Variants in CCDC148 observed in about 807,000 individuals in gnomAD.
The protein encoded by CCDC148 is coiled-coil domain-containing protein 148.
CCDC148 carries 89 observed loss-of-function variants against 85.7 expected under a neutral mutation model. That is an observed-to-expected ratio of 1.04 (90% confidence interval 0.87 to 1.24). CCDC148 has a LOEUF of 1.24. Ranked by LOEUF, CCDC148 falls within the 50% of genes most tolerant of loss-of-function variation. CCDC148 has a pLI of 0.00. For missense variants in CCDC148, 692 were observed against 671.7 expected (o/e 1.03, Z -0.33); for synonymous variants, 230 against 213.9 (o/e 1.08, Z -0.66).
At chr2:158,333,519 G>A (rs1693258709) in intron 7 of CCDC148, among the ~76,000 whole-genome samples, 1 of 152,112 alleles carries the variant, frequency 6.6e-6, no homozygotes, top group Non-Finnish European at 1.5e-5. Context: ...GAGTTCTGTA[G>A]ATGTCTATTA....
At chr2:158,225,562 A>T (rs1687465308) in intron 10 of CCDC148, among the ~76,000 whole-genome samples, 1 of 152,142 alleles carries the variant, frequency 6.6e-6, no homozygotes, top group Non-Finnish European at 1.5e-5. Flanking sequence ...GAAGTAAAGC[A>T]CTCCTCAGCA....
chr2:158,180,782 C>A (rs542668020), intron 11 of CCDC148, among the ~76,000 whole-genome samples: 1 of 151,944 alleles, frequency 6.6e-6, no homozygotes, highest in Non-Finnish European at 1.5e-5. Context: ...AGGAGAGACA[C>A]AGGAGAGGAA....
At position 158,330,492 on chromosome 2, in the gene CCDC148, G is replaced by A. The variant is rs558349075; in HGVS notation, c.764+8234C>T. The stretch of plus-strand genomic sequence containing the variant: ...TTCTTTTTTTGTTGTGTCTCTGGCA[G>A]GCTTTGGTATCAGGATGATGCTGGC... On this transcript the variant is annotated intron_variant, in intron 7 of 13. Coordinates refer to ENST00000283233, the MANE Select transcript of CCDC148 (RefSeq NM_138803.4). Among the ~76,000 whole-genome samples the A allele has an allele frequency of 4.3e-4, 65 of 152,260 alleles. No individual in the cohort carries two copies. In the East Asian group the frequency reaches 9.5e-3, roughly 22 times the overall value.
chr2:158,328,958 G>A (rs1170515949), intron 7 of CCDC148, among the ~76,000 whole-genome samples: 4 of 151,990 alleles, frequency 2.6e-5, no homozygotes, highest in South Asian at 2.1e-4. Flanking sequence ...CTCCCATTCT[G>A]TAGGTTGCCT....
At position 158,245,116 on chromosome 2, in the gene CCDC148, C is replaced by A. The variant is rs965871054; in HGVS notation, c.1251+5656G>T. Among the ~76,000 whole-genome samples the A allele has an allele frequency of 9.9e-5, 15 of 152,150 alleles. 1 individual carries two copies. Among genetic ancestry groups the A allele is most frequent in the African/African-American group, 3.6e-4 (15 of 41,442 alleles). On this transcript the variant is annotated intron_variant, in intron 10 of 13. Transcript: ENST00000283233. The stretch of plus-strand genomic sequence containing the variant: ...GAGGTACTCTGAATTCTCTCCTGTG[C>A]AAGAGCTTCTGGAGTCTTCTGAAAT...
intron 9 of CCDC148, among the ~76,000 whole-genome samples, chr2:158,261,254 A>C (rs913519652): frequency 6.6e-6 from 1 of 152,052 alleles, no homozygotes; most frequent in African/African-American, 2.4e-5. Context: ...AGCCAACGAA[A>C]ACAAGTAATG....
At chr2:158,364,763 A>G (rs961133434) in intron 1 of CCDC148, among the ~76,000 whole-genome samples, 9 of 152,228 alleles carry the variant, frequency 5.9e-5, no homozygotes, top group Non-Finnish European at 1.2e-4. Context: ...CAAAGGCTTC[A>G]TGACTAAAGC....
At chr2:158,395,351 C>T (rs1253564547) in intron 1 of CCDC148, among the ~76,000 whole-genome samples, 2 of 152,132 alleles carry the variant, frequency 1.3e-5, no homozygotes, top group African/African-American at 4.8e-5. Context: ...CCACTTCCTC[C>T]TCCCTGCTGT....
chr2:158,341,778 A>G (rs534982365), intron 3 of CCDC148, among the ~76,000 whole-genome samples: 1 of 152,074 alleles, frequency 6.6e-6, no homozygotes, highest in East Asian at 1.9e-4. Context: ...TAATATAAAA[A>G]AGCAGCAATT....
At chr2:158,413,667 T>C (rs966523822) in intron 1 of CCDC148, among the ~76,000 whole-genome samples, 3 of 151,922 alleles carry the variant, frequency 2.0e-5, no homozygotes, top group African/African-American at 4.8e-5. Flanking sequence ...GAAGGACAGA[T>C]AGTAAATATT....
intron 9 of CCDC148, among the ~76,000 whole-genome samples, chr2:158,269,992 A>AT (rs879514040): frequency 1.3e-5 from 2 of 152,120 alleles, no homozygotes; most frequent in African/African-American, 2.4e-5. Flanking sequence ...ACAAGTATGC[A>AT]TTTTTTCCTT....
chr2:158,213,689 C>G (rs370657642), intron 11 of CCDC148, among the ~76,000 whole-genome samples: 2 of 152,122 alleles, frequency 1.3e-5, no homozygotes, highest in Non-Finnish European at 2.9e-5. Flanking sequence ...GAGATATGAC[C>G]GTTACATATC....
chr2:158,436,431 G>A (rs987888900), intron 1 of CCDC148, among the ~76,000 whole-genome samples: 6 of 152,138 alleles, frequency 3.9e-5, no homozygotes, highest in Non-Finnish European at 4.4e-5. Context: ...AAACCAATGA[G>A]AACAAAGACA....
At chr2:158,271,715 A>T (rs913568163) in intron 9 of CCDC148, among the ~76,000 whole-genome samples, 2 of 152,194 alleles carry the variant, frequency 1.3e-5, no homozygotes, top group African/African-American at 4.8e-5. Context: ...AATAATATAA[A>T]TACAGAATTT....
At chr2:158,230,581 T>G (rs1488481104) in intron 10 of CCDC148, among the ~76,000 whole-genome samples, 1 of 152,128 alleles carries the variant, frequency 6.6e-6, no homozygotes, top group Non-Finnish European at 1.5e-5. Flanking sequence ...TTAGATGATT[T>G]GGCCAGGATT....
intron 1 of CCDC148, among the ~76,000 whole-genome samples, chr2:158,427,780 A>G (rs1461658656): frequency 1.3e-5 from 2 of 152,130 alleles, no homozygotes; most frequent in African/African-American, 4.8e-5. Flanking sequence ...CTTAGGTAGG[A>G]AGACAGCTTG....
chr2:158,449,168 G>A (rs1688288702), intron 1 of CCDC148, among the ~76,000 whole-genome samples: 1 of 152,070 alleles, frequency 6.6e-6, no homozygotes, highest in Non-Finnish European at 1.5e-5. Context: ...CTAGTTCCTA[G>A]CATATAAAAA....
chr2:158,172,670 T>C (rs1474835716), intron 13 of CCDC148, among the ~76,000 whole-genome samples: 1 of 152,092 alleles, frequency 6.6e-6, no homozygotes, highest in Non-Finnish European at 1.5e-5. Context: ...TCTGGCAATA[T>C]GTAAATTAAG....
chr2:158,273,497 T>G (rs994222035), intron 9 of CCDC148, among the ~76,000 whole-genome samples: 1 of 152,154 alleles, frequency 6.6e-6, no homozygotes, highest in Non-Finnish European at 1.5e-5. Flanking sequence ...GATGGGCACG[T>G]GCGTCTTTGT....
Sources: allele counts gnomAD v4.1 joint callset (sites outside exome capture counted in the v4.1 genomes callset), GRCh38; gene constraint gnomAD v4.1.1; transcripts MANE v1.5; gene names NCBI Gene and HGNC (gene_info 2026-07-23, HGNC 2026-07-21).